Variants in CNTN3 observed in about 807,000 individuals in gnomAD.
CNTN3 encodes contactin 3.
CNTN3 carries 60 observed loss-of-function variants against 119.1 expected under a neutral mutation model. The observed-to-expected ratio is 0.50, with a 90% CI of 0.41 to 0.62. The LOEUF (loss-of-function observed/expected upper bound fraction) is 0.62. Ranked by LOEUF, CNTN3 falls within the 20% of genes least tolerant of loss-of-function variation. The pLI, the probability that CNTN3 is intolerant of heterozygous loss-of-function variation, is 0.00. For missense variants in CNTN3, 1,101 were observed against 1,242.4 expected (o/e 0.89, Z 1.71); for synonymous variants, 450 against 438.7 (o/e 1.03, Z -0.32).
rs192480250 is a variant in CNTN3, at chr3:74,537,209, C to T, written c.-80-16017G>A. 3.0e-3 allele frequency among the ~76,000 whole-genome samples: 458 copies of T among 152,222 alleles called. 1 individual carries two copies. The highest frequency in any genetic ancestry group is 4.6e-3 in the Non-Finnish European group (312 of 68,004). On this transcript the variant is annotated intron_variant, in intron 1 of 22. Transcript: ENST00000263665. ...CTCACTTTCCACCTAGCCATTTCCA[C>T]GTGCATCCTCACAAGTACCCAAAAG...
chr3:74,283,840 T>C (rs1440797109), intron 20 of CNTN3, among the ~76,000 whole-genome samples: 1 of 152,164 alleles, frequency 6.6e-6, no homozygotes, highest in Non-Finnish European at 1.5e-5. Context: ...TCCAAACCCA[T>C]GTGCTCTTTG....
At chr3:74,448,321 C>T (rs1319390392) in intron 4 of CNTN3, among the ~76,000 whole-genome samples, 1 of 152,102 alleles carries the variant, frequency 6.6e-6, no homozygotes, top group Non-Finnish European at 1.5e-5. Flanking sequence ...ACACTAGGGG[C>T]TTTATCTCAT....
At chr3:74,410,957 C>G (rs1414944224) in intron 5 of CNTN3, among the ~76,000 whole-genome samples, 1 of 152,072 alleles carries the variant, frequency 6.6e-6, no homozygotes, top group East Asian at 1.9e-4. Context: ...CAAGCTGAAT[C>G]TGAATAAATT....
chr3:74,435,876 C>T (rs1701857469), intron 4 of CNTN3, among the ~76,000 whole-genome samples: 1 of 152,124 alleles, frequency 6.6e-6, no homozygotes, highest in Non-Finnish European at 1.5e-5. Context: ...AACCCTCACG[C>T]TGGTCTCCCC....
At chr3:74,361,808 A>G in intron 11 of CNTN3, 82 bp downstream of exon 11, 4 of 1,393,812 alleles carry the variant, frequency 2.9e-6, no homozygotes, top group Non-Finnish European at 2.9e-6. Context: ...ATTTTGTTTC[A>G]TTTCATATTT....
chr3:74,509,876 T>A (rs1173589022), intron 2 of CNTN3, among the ~76,000 whole-genome samples: 1 of 152,106 alleles, frequency 6.6e-6, no homozygotes, highest in Non-Finnish European at 1.5e-5. Context: ...ATTTTACTCA[T>A]CACAACATCA....
intron 5 of CNTN3, among the ~76,000 whole-genome samples, chr3:74,405,759 C>T (rs1267191188): frequency 6.6e-6 from 1 of 151,966 alleles, no homozygotes; most frequent in Non-Finnish European, 1.5e-5. Flanking sequence ...CCTATATAGC[C>T]ATTTACATAT....
At chr3:74,453,144 C>T (rs1182302416) in intron 4 of CNTN3, among the ~76,000 whole-genome samples, 8 of 152,118 alleles carry the variant, frequency 5.3e-5, no homozygotes, top group Non-Finnish European at 8.8e-5. Flanking sequence ...TCCATCTGGT[C>T]CTGGACTCTT....
chr3:74,545,959 C>T (rs1703908428), intron 1 of CNTN3, among the ~76,000 whole-genome samples: 1 of 152,100 alleles, frequency 6.6e-6, no homozygotes, highest in Non-Finnish European at 1.5e-5. Context: ...TTAAAAGTTT[C>T]TTCTTAATTT....
chr3:74,450,078 T>A (rs1702120257), intron 4 of CNTN3, among the ~76,000 whole-genome samples: 1 of 152,136 alleles, frequency 6.6e-6, no homozygotes. Context: ...AATTGTCCTT[T>A]GCTGGGAGGC....
At chr3:74,428,266 T>C (rs1421863860) in intron 4 of CNTN3, among the ~76,000 whole-genome samples, 1 of 151,690 alleles carries the variant, frequency 6.6e-6, no homozygotes, top group Non-Finnish European at 1.5e-5. Flanking sequence ...CTTCTATAAA[T>C]TGAAAAAAAA....
chr3:74,386,598 G>A (rs970045256), intron 5 of CNTN3, among the ~76,000 whole-genome samples: 2 of 152,142 alleles, frequency 1.3e-5, no homozygotes, highest in Non-Finnish European at 2.9e-5. Context: ...CAAATTAAAA[G>A]CAACAATTAA....
intron 2 of CNTN3, among the ~76,000 whole-genome samples, chr3:74,506,584 T>G (rs916042043): frequency 6.6e-6 from 1 of 152,106 alleles, no homozygotes; most frequent in African/African-American, 2.4e-5. Context: ...ATGACATCCT[T>G]CTATAATTCT....
At chr3:74,591,079 C>T (rs942757664) in intron 1 of CNTN3, among the ~76,000 whole-genome samples, 4 of 151,846 alleles carry the variant, frequency 2.6e-5, no homozygotes, top group Non-Finnish European at 4.4e-5. Flanking sequence ...TCTTAGATTC[C>T]GGTGTAGTCA....
At chr3:74,589,778 TA>T (rs1704666504) in intron 1 of CNTN3, among the ~76,000 whole-genome samples, 1 of 151,294 alleles carries the variant, frequency 6.6e-6, no homozygotes, top group East Asian at 1.9e-4. Context: ...TATGCAGCCA[TA>T]AAAAATGATG....
rs750167961 is a variant in CNTN3 at position 74,362,559 on chromosome 3, G to A, written c.1214-519C>T. Among the ~76,000 whole-genome samples, 6 of 152,120 alleles carry A rather than the reference G, an allele frequency of 3.9e-5. No individual in the cohort carries two copies. In the East Asian group the frequency reaches 5.8e-4, roughly 15 times the overall value. ...CCAAACTGGGGAAAAATAATATTACGCACATATTATTTTAAATGCTATAAT... is the reference window on the plus strand; with the variant it reads ...CCAAACTGGGGAAAAATAATATTACACACATATTATTTTAAATGCTATAAT... On this transcript the variant is annotated intron_variant, in intron 10 of 22. Transcript: ENST00000263665.
chr3:74,470,293 A>C (rs141837817), intron 4 of CNTN3, among the ~76,000 whole-genome samples: 29 of 152,280 alleles, frequency 1.9e-4, no homozygotes, highest in African/African-American at 7.0e-4. Flanking sequence ...AATATACTAG[A>C]AACACGGAAT....
chr3:74,355,247 C>T (rs1439248648), intron 11 of CNTN3, among the ~76,000 whole-genome samples: 1 of 152,094 alleles, frequency 6.6e-6, no homozygotes, highest in Non-Finnish European at 1.5e-5. Flanking sequence ...CGACTCCTGT[C>T]TTCTCTTCAA....
At chr3:74,415,039 T>A (rs899000893) in intron 5 of CNTN3, among the ~76,000 whole-genome samples, 1 of 152,124 alleles carries the variant, frequency 6.6e-6, no homozygotes, top group East Asian at 1.9e-4. Context: ...TAAATTCTGT[T>A]GAAGCACTAT....
Sources: allele counts gnomAD v4.1 joint callset (sites outside exome capture counted in the v4.1 genomes callset), GRCh38; gene constraint gnomAD v4.1.1; transcripts MANE v1.5; gene names NCBI Gene and HGNC (gene_info 2026-07-23, HGNC 2026-07-21).